Variants in LAMA2 observed in about 807,000 individuals in gnomAD.
The protein encoded by LAMA2 is laminin subunit alpha 2, also known as laminin subunit alpha-2.
LAMA2 carries 269 observed loss-of-function variants against 364.8 expected under a neutral mutation model. The observed-to-expected ratio is 0.74, with a 90% CI of 0.67 to 0.82. LAMA2 has a LOEUF of 0.82. Ranked by LOEUF, LAMA2 falls within the 40% of genes least tolerant of loss-of-function variation. LAMA2 has a pLI of 0.00. For missense variants in LAMA2, 3,807 were observed against 3,873.2 expected (o/e 0.98, Z 0.45); for synonymous variants, 1,379 against 1,370.6 (o/e 1.01, Z -0.14).
chr6:129,245,839 T>A lies in LAMA2; in HGVS notation c.1783-4273T>A, dbSNP rs1465599089. ...GTCAGAGAACTATAAGAATGAGAAT[T>A]CTGGCAGGAAAATTCATTTTTAAAA... On this transcript the variant is annotated intron_variant, in intron 12 of 64. Coordinates refer to ENST00000421865, the MANE Select transcript of LAMA2 (RefSeq NM_000426.4). Among the ~76,000 whole-genome samples, 3 of 152,276 alleles carry A rather than the reference T, an allele frequency of 2.0e-5. No individual in the cohort carries two copies. In the East Asian group the frequency reaches 5.8e-4, roughly 29 times the overall value.
intron 40 of LAMA2, among the ~76,000 whole-genome samples, chr6:129,427,340 T>C (rs1053623653): frequency 2.0e-5 from 3 of 152,234 alleles, no homozygotes; most frequent in African/African-American, 7.2e-5. Flanking sequence ...TGTTTAGTTC[T>C]TAATTTGCTT....
At chr6:129,445,252 A>G (rs186284044) in intron 44 of LAMA2, among the ~76,000 whole-genome samples, 2 of 152,340 alleles carry the variant, frequency 1.3e-5, no homozygotes, top group East Asian at 1.9e-4. Context: ...AATTTTGTGT[A>G]AAAACCCTGA....
At chr6:129,432,216 C>A (rs936175189) in intron 41 of LAMA2, among the ~76,000 whole-genome samples, 3 of 152,078 alleles carry the variant, frequency 2.0e-5, no homozygotes, top group South Asian at 2.1e-4. Flanking sequence ...AATTGCTGAT[C>A]CCTCATACAA....
chr6:129,515,878 A>G (rs527607575), intron 64 of LAMA2, among the ~76,000 whole-genome samples: 1 of 152,268 alleles, frequency 6.6e-6, no homozygotes, highest in Non-Finnish European at 1.5e-5. Flanking sequence ...TCTTGAGCCC[A>G]GGAGTTGGAG....
intron 40 of LAMA2, among the ~76,000 whole-genome samples, chr6:129,404,459 TA>T (rs1314478479): frequency 6.6e-6 from 1 of 152,228 alleles, no homozygotes; most frequent in East Asian, 1.9e-4. Context: ...AAAAAGCTCT[TA>T]ACCTTTGGCT....
At chr6:128,902,823 A>G (rs957722565) in intron 1 of LAMA2, among the ~76,000 whole-genome samples, 5 of 152,076 alleles carry the variant, frequency 3.3e-5, no homozygotes, top group African/African-American at 7.2e-5. Flanking sequence ...CCAACACCCA[A>G]TGTTTTCTTG....
At chr6:129,398,822 A>G (rs976882966) in intron 37 of LAMA2, among the ~76,000 whole-genome samples, 3 of 152,184 alleles carry the variant, frequency 2.0e-5, no homozygotes, top group African/African-American at 7.2e-5. Flanking sequence ...ACTCATCTAC[A>G]TACTAGAGAT....
intron 4 of LAMA2, among the ~76,000 whole-genome samples, chr6:129,125,103 A>G (rs1583086502): frequency 6.6e-6 from 1 of 152,306 alleles, no homozygotes. Flanking sequence ...GTGCTGATCA[A>G]TTTTCCGTGA....
At chr6:129,048,021 A>G (rs4330550) in intron 1 of LAMA2, among the ~76,000 whole-genome samples, 141,451 of 152,110 alleles carry the variant, frequency 0.93, 66,086 homozygotes, top group East Asian at 0.97. Context: ...TGTAATCAGG[A>G]GCGAGTTACT....
At position 129,106,007 on chromosome 6, in the gene LAMA2, A is replaced by G. The variant is rs147893195; in HGVS notation, c.639+7592A>G. ...ATACAGAGGCCTTTAAGTTATTTACATATGATTTCCTTTCCTTCTTACCAC... is the reference window on the plus strand; with the variant it reads ...ATACAGAGGCCTTTAAGTTATTTACGTATGATTTCCTTTCCTTCTTACCAC... On this transcript the variant is annotated intron_variant, in intron 4 of 64. Coordinates refer to ENST00000421865, the MANE Select transcript of LAMA2 (RefSeq NM_000426.4). Among the ~76,000 whole-genome samples, 100 of 152,224 alleles carry G rather than the reference A, an allele frequency of 6.6e-4. 1 individual carries two copies. Among genetic ancestry groups the G allele is most frequent in the Middle Eastern group, 3.4e-3 (1 of 294 alleles).
At chr6:129,379,623 C>T (rs1778567953) in intron 34 of LAMA2, among the ~76,000 whole-genome samples, 1 of 152,076 alleles carries the variant, frequency 6.6e-6, no homozygotes, top group Non-Finnish European at 1.5e-5. Flanking sequence ...CTCTTCCTGC[C>T]CCCTACTGCC....
At chr6:129,030,093 G>C (rs1317609545) in intron 1 of LAMA2, among the ~76,000 whole-genome samples, 1 of 152,030 alleles carries the variant, frequency 6.6e-6, no homozygotes. Flanking sequence ...AGTAAAGATT[G>C]GCCGAATCTT....
chr6:129,506,055 T>G (rs1422682893), intron 61 of LAMA2, among the ~76,000 whole-genome samples: 1 of 152,218 alleles, frequency 6.6e-6, no homozygotes, highest in East Asian at 1.9e-4. Flanking sequence ...ATGAGGTAAT[T>G]TATTTAAAGT....
intron 45 of LAMA2, among the ~76,000 whole-genome samples, chr6:129,448,229 G>A (rs936363796): frequency 3.3e-5 from 5 of 152,070 alleles, no homozygotes; most frequent in Admixed American, 3.3e-4. Flanking sequence ...GCTGCAGTGA[G>A]CCATGTTTGC....
chr6:129,481,773 G>A (rs778217620), intron 55 of LAMA2, among the ~76,000 whole-genome samples: 6 of 152,076 alleles, frequency 3.9e-5, no homozygotes, highest in African/African-American at 9.7e-5. Context: ...CTCCAAGTCC[G>A]ACTCCTTACC....
intron 43 of LAMA2, among the ~76,000 whole-genome samples, chr6:129,441,481 C>T (rs1443773492): frequency 3.9e-5 from 6 of 151,988 alleles, no homozygotes; most frequent in African/African-American, 1.4e-4. Flanking sequence ...ATTCCAGTTA[C>T]ATCACATTTC....
At position 129,402,329 on chromosome 6, in the gene LAMA2, T is replaced by C. The variant is rs146304630; in HGVS notation, c.5568T>C (p.Val1856=). 4 of 1,612,876 alleles carry C rather than the reference T, an allele frequency of 2.5e-6. No individual in the cohort carries two copies. The African/African-American group carries it at 5.3e-5, about 22-fold the overall frequency. The change falls in exon 39 of 65, where the codon GTT becomes GTC. Residue 1856 remains valine (V), a synonymous_variant. Transcript: ENST00000421865. ...ADEINSIIDY[V]EDIQTKLPPM... ...CCCTCTTCTCTACATATCAGTATGTTGAAGACATCCAAACTAAATTGCCAC... is the reference window on the plus strand; with the variant it reads ...CCCTCTTCTCTACATATCAGTATGTCGAAGACATCCAAACTAAATTGCCAC...
chr6:129,167,151 C>T (rs529240145), intron 9 of LAMA2, among the ~76,000 whole-genome samples: 15 of 151,638 alleles, frequency 9.9e-5, no homozygotes, highest in East Asian at 3.9e-4. Context: ...GCCTTTTTTC[C>T]GATTCAGTTT....
At chr6:129,331,021 A>G (rs1385499834) in intron 29 of LAMA2, among the ~76,000 whole-genome samples, 1 of 151,896 alleles carries the variant, frequency 6.6e-6, no homozygotes, top group Non-Finnish European at 1.5e-5. Context: ...GGTGCCCACC[A>G]CCATGCCCGG....
Sources: gnomAD v4.1 joint callset for allele counts (sites outside exome capture counted in the v4.1 genomes callset) on GRCh38, gnomAD v4.1.1 for gene constraint, MANE v1.5 for transcripts, NCBI Gene and HGNC (gene_info 2026-07-23, HGNC 2026-07-21) for gene names.